The following AIFM1 variants were observed in gnomAD, a reference collection of about 807,000 sequenced individuals.
The protein encoded by AIFM1 is apoptosis-inducing factor 1, mitochondrial.
Under a neutral mutation model 51.7 loss-of-function variants are expected in AIFM1, and 3 were observed. The observed-to-expected ratio is 0.06, with a 90% CI of 0.03 to 0.15. The LOEUF (loss-of-function observed/expected upper bound fraction) is 0.15, where lower values mean the gene tolerates loss of function less well. AIFM1 is among the 10% of genes least tolerant of loss of function. The pLI is 1.00. For synonymous variants in AIFM1, 178 were observed against 179.4 expected (o/e 0.99, Z 0.06); for missense variants, 330 against 476.8 (o/e 0.69, Z 2.87).
chrX:130,156,420 C>G lies in AIFM1; in HGVS notation c.249+41G>C, dbSNP rs772846737. The G allele has an allele frequency of 1.2e-5, 15 of 1,205,125 alleles. No individual in the cohort carries two copies. The Admixed American group carries it at 3.1e-4, about 25-fold the overall frequency. On this transcript the variant is annotated intron_variant, in intron 2 of 15. Coordinates refer to ENST00000287295, the MANE Select transcript of AIFM1 (RefSeq NM_004208.4). ...ATACTATCGAGTCTATTAATGGGAG[C>G]TGTTTGGCAGCTTCTTTATACACGC...
chrX:130,136,434 A>G (rs1347127017), intron 11 of AIFM1, among the ~76,000 whole-genome samples: 2 of 112,289 alleles, frequency 1.8e-5, no homozygotes, highest in African/African-American at 6.5e-5. Context: ...GACAGATAGA[A>G]TGGGGCTAAG....
At chrX:130,131,644 C>T (rs762199583) in intron 14 of AIFM1, 31 bp downstream of exon 14, 2 of 1,209,620 alleles carry the variant, frequency 1.7e-6, no homozygotes, top group African/African-American at 1.7e-5. Flanking sequence ...CTTCTCAACA[C>T]TCTCCAAGAG....
intron 13 of AIFM1, 115 bp from the exon 14 acceptor site, chrX:130,131,914 C>T (rs868580692): frequency 3.1e-6 from 3 of 958,582 alleles, no homozygotes; most frequent in African/African-American, 3.8e-5. Flanking sequence ...ACTCGTTGCC[C>T]AGGCTGGAGT....
chrX:130,132,231 T>C (rs1034085763), intron 13 of AIFM1, among the ~76,000 whole-genome samples: 2 of 112,283 alleles, frequency 1.8e-5, no homozygotes, highest in African/African-American at 6.5e-5. Flanking sequence ...AGATGCCAAC[T>C]GATCTGCTGT....
In AIFM1 at chrX:130,165,677, A is replaced by G; in HGVS notation, c.-21T>C. On this transcript the variant is annotated 5_prime_UTR_variant, in exon 1 of 16. Coordinates refer to ENST00000287295, the MANE Select transcript of AIFM1 (RefSeq NM_004208.4). ...AACATTTCGGCGACCGCTATTCGGGACCTCCTCCTTCCCTTTCCTCTCACG... is the reference window on the plus strand; with the variant it reads ...AACATTTCGGCGACCGCTATTCGGGGCCTCCTCCTTCCCTTTCCTCTCACG... 8.7e-7 allele frequency: 1 copy of G among 1,149,754 alleles called. No individual in the cohort carries two copies. Among genetic ancestry groups the G allele is most frequent in the Non-Finnish European group, 1.2e-6 (1 of 851,264 alleles). 94.8% of individuals were successfully genotyped at this position (1,149,754 alleles called of 1,213,427 possible).
At chrX:130,129,704 C>G in intron 15 of AIFM1, 76 bp from the exon 16 acceptor site, 1 of 962,178 alleles carries the variant, frequency 1.0e-6, no homozygotes, top group East Asian at 3.1e-5. Context: ...ATGGGGCTAC[C>G]TGGGGCAGTC....
chrX:130,141,512 C>T (rs1380468805), intron 6 of AIFM1, among the ~76,000 whole-genome samples: 2 of 112,100 alleles, frequency 1.8e-5, no homozygotes, highest in Non-Finnish European at 3.8e-5. Context: ...GGAAACTTGG[C>T]TCTCTCTTAA....
intron 1 of AIFM1, among the ~76,000 whole-genome samples, chrX:130,159,451 A>C (rs1045539642): frequency 8.9e-6 from 1 of 111,921 alleles, no homozygotes. Context: ...TGATTTTCAG[A>C]AGCTTACAAA....
chrX:130,146,400 G>A (rs952467286), intron 5 of AIFM1, among the ~76,000 whole-genome samples: 1 of 109,114 alleles, frequency 9.2e-6, no homozygotes, highest in South Asian at 4.0e-4. Flanking sequence ...GCTATGATTC[G>A]GCCACTGCAC....
Position 130,139,829 on chromosome X carries a change from G to T in AIFM1, c.824C>A (p.Ala275Glu). 1 of 1,211,196 alleles carries T rather than the reference G, an allele frequency of 8.3e-7. No homozygotes were observed. The highest frequency in any genetic ancestry group is 1.1e-6 in the Non-Finnish European group (1 of 895,035). ...AAGCGTTGTTCTACTCTTCACCTCTGCTCCAGCCCTATCAATGGCAGACAG... is the reference window on the plus strand; with the variant it reads ...AAGCGTTGTTCTACTCTTCACCTCTTCTCCAGCCCTATCAATGGCAGACAG... ...RSLSAIDRAGAEVKSRTTLFR... is the reference protein window; with the variant it reads ...RSLSAIDRAGEEVKSRTTLFR... Residue 275 changes from alanine (A) to glutamate (E), a missense_variant, in exon 8 of 16, where the codon GCA becomes GAA. Around this residue, in one of 4 missense-constraint regions of AIFM1, gnomAD observed 152 missense variants for 292.8 expected, o/e 0.52. Transcript: ENST00000287295.
intron 3 of AIFM1, among the ~76,000 whole-genome samples, chrX:130,149,082 T>C (rs2030867784): frequency 9.3e-6 from 1 of 107,910 alleles, no homozygotes; most frequent in Non-Finnish European, 1.9e-5. Context: ...CCACCACGCC[T>C]GGCTAATTTT....
In AIFM1 at chrX:130,137,117, C is replaced by G; in HGVS notation, c.1036G>C (p.Glu346Gln). 8.3e-7 allele frequency: 1 copy of G among 1,211,081 alleles called. No individual in the cohort carries two copies. Among genetic ancestry groups the G allele is most frequent in the East Asian group, 3.0e-5 (1 of 33,827 alleles). Residue 346 changes from glutamate to glutamine, a missense_variant, in exon 10 of 16, where the codon GAA (glutamate) becomes CAA (glutamine). Coordinates refer to ENST00000287295, the MANE Select transcript of AIFM1 (RefSeq NM_004208.4). ...TCCATGGTCCAGTTGCTGAGGTATT[C>G]GGGGAGGATCTTTCCCATATTTCCT... ...EKGNMGKILP[E>Q]YLSNWTMEKV...
chrX:130,130,160 C>T lies in AIFM1; in HGVS notation c.1580G>A (p.Gly527Asp). Reference sequence around the variant, plus strand: ...CTCTGTCTCACTCTCTGATCGGATACCAGTTCCTGTGGCCAGCCCCCAAAA... The same window carrying T: ...CTCTGTCTCACTCTCTGATCGGATATCAGTTCCTGTGGCCAGCCCCCAAAA... The part of the protein sequence containing the change: ...PKSATEQSGT[G>D]IRSESETESE... Residue 527 changes from glycine to aspartate, a missense_variant, in exon 15 of 16, where the codon GGT (glycine) becomes GAT (aspartate). Gly to Asp is a moderately conservative substitution (Grantham distance 94). Transcript: ENST00000287295. 1 of 1,211,919 alleles carries T rather than the reference C, an allele frequency of 8.3e-7. No individual in the cohort carries two copies. Among genetic ancestry groups the T allele is most frequent in the Non-Finnish European group, 1.1e-6 (1 of 895,460 alleles).
At chrX:130,153,352 C>CAAAAA (rs35771131) in intron 2 of AIFM1, among the ~76,000 whole-genome samples, 1 of 42,858 alleles carries the variant, frequency 2.3e-5, no homozygotes, top group African/African-American at 9.7e-5. Flanking sequence ...GACTCCGTTT[C>CAAAAA]AAAAAAAAAA....
chrX:130,135,891 A>C (rs1470930466), intron 12 of AIFM1, among the ~76,000 whole-genome samples, 154 bp downstream of exon 12: 1 of 111,964 alleles, frequency 8.9e-6, no homozygotes, highest in African/African-American at 3.2e-5. Context: ...CTTCTGAATC[A>C]AGCAGTTCAC....
In AIFM1 at chrX:130,165,790, C is replaced by T; in HGVS notation, c.-134G>A. 2 of 586,738 alleles carry T rather than the reference C, an allele frequency of 3.4e-6. No individual in the cohort carries two copies. The highest frequency in any genetic ancestry group is 3.6e-5 in the East Asian group (1 of 27,851). 48.4% of individuals were successfully genotyped at this position (586,738 alleles called of 1,213,427 possible). A position where few individuals can be genotyped will look rare whatever the true frequency, so the allele number is the denominator to read the frequency against. On this transcript the variant is annotated 5_prime_UTR_variant, in exon 1 of 16. Coordinates refer to ENST00000287295, the MANE Select transcript of AIFM1 (RefSeq NM_004208.4). ...TTACGCAGACTCCTCCTCCCAGCTC[C>T]GGGTGGGCATTGGACAGAGAAGCCG...
chrX:130,165,759 C>G lies in AIFM1; in HGVS notation c.-103G>C. On this transcript the variant is annotated 5_prime_UTR_variant, in exon 1 of 16. Coordinates refer to ENST00000287295, the MANE Select transcript of AIFM1 (RefSeq NM_004208.4). The stretch of plus-strand genomic sequence containing the variant: ...GGCCAGCTCCCCCAGTCTCTTCACA[C>G]GCACATTACGCAGACTCCTCCTCCC... The G allele has an allele frequency of 1.5e-6, 1 of 658,543 alleles. No homozygotes were observed. The highest frequency in any genetic ancestry group is 3.5e-5 in the East Asian group (1 of 28,306). 54.3% of individuals were successfully genotyped at this position (658,543 alleles called of 1,213,427 possible).
chrX:130,148,452 T>A (rs2030833132), intron 3 of AIFM1, among the ~76,000 whole-genome samples: 1 of 111,792 alleles, frequency 8.9e-6, no homozygotes, highest in Non-Finnish European at 1.9e-5. Context: ...GGGTATGTGC[T>A]TTAGGAAAGC....
At chrX:130,134,236 CA>C (rs1007988671) in intron 12 of AIFM1, among the ~76,000 whole-genome samples, 23 of 93,553 alleles carry the variant, frequency 2.5e-4, no homozygotes, top group African/African-American at 3.5e-4. Flanking sequence ...GACACCGCCT[CA>C]AAAAAAAAAA....
Sources: gnomAD v4.1 joint callset for allele counts (sites outside exome capture counted in the v4.1 genomes callset) on GRCh38, gnomAD v4.1.1 for gene constraint, gnomAD v4.1.1 regional missense constraint, MANE v1.5 for transcripts, NCBI Gene and HGNC (gene_info 2026-07-23, HGNC 2026-07-21) for gene names.